Variants in GNAI1 observed in about 807,000 individuals in gnomAD.
GNAI1 encodes guanine nucleotide-binding protein G(i) subunit alpha-1.
Under a neutral mutation model 38.9 loss-of-function variants are expected in GNAI1, and 11 were observed. The observed-to-expected ratio is 0.28, with a 90% confidence interval of 0.18 to 0.47. GNAI1 has a LOEUF of 0.47. Ranked by LOEUF, GNAI1 falls within the 20% of genes least tolerant of loss-of-function variation. The pLI is 0.99. For missense variants in GNAI1, 317 were observed against 436.9 expected (o/e 0.73, Z 2.45); for synonymous variants, 166 against 145.1 (o/e 1.14, Z -1.04).
intron 1 of GNAI1, among the ~76,000 whole-genome samples, chr7:80,174,635 A>T (rs1788151803): frequency 6.7e-6 from 1 of 148,476 alleles, no homozygotes; most frequent in East Asian, 1.9e-4. Flanking sequence ...ATTTTATTTT[A>T]TGTGTTATGT....
At chr7:80,189,544 G>A (rs533302376) in intron 3 of GNAI1, among the ~76,000 whole-genome samples, 1 of 152,216 alleles carries the variant, frequency 6.6e-6, no homozygotes, top group South Asian at 2.1e-4. Flanking sequence ...TTAGTACTGA[G>A]TAAACTGCTT....
rs1284955999 is a variant in GNAI1 at position 80,223,019 on chromosome 7, A to G, written c.*5526A>G. ...TTTTACAATAAAGGATATCTCATGT[A>G]ATTTTCTTGGATACTGTACTGAAAA... On this transcript the variant is annotated 3_prime_UTR_variant, in exon 8 of 8. Coordinates refer to ENST00000649796, the MANE Select transcript of GNAI1 (RefSeq NM_002069.6). Among the ~76,000 whole-genome samples, 1 of 152,206 alleles carries G rather than the reference A, an allele frequency of 6.6e-6. No individual in the cohort carries two copies. The highest frequency in any genetic ancestry group is 1.5e-5 in the Non-Finnish European group (1 of 68,030).
intron 1 of GNAI1, among the ~76,000 whole-genome samples, chr7:80,173,520 T>C (rs369845971): frequency 1.2e-4 from 19 of 152,320 alleles, no homozygotes; most frequent in African/African-American, 3.9e-4. Context: ...AGTCCACTTA[T>C]ATAGTGTTCA....
chr7:80,155,860 G>C (rs1026466722), intron 1 of GNAI1, among the ~76,000 whole-genome samples: 37 of 151,852 alleles, frequency 2.4e-4, no homozygotes, highest in African/African-American at 8.9e-4. Context: ...TTTGAGACCA[G>C]CCTGGCCAAT....
At chr7:80,148,696 G>A (rs926948312) in intron 1 of GNAI1, among the ~76,000 whole-genome samples, 1 of 151,998 alleles carries the variant, frequency 6.6e-6, no homozygotes, top group African/African-American at 2.4e-5. Context: ...TTTTAGAATT[G>A]AATGGTTGTG....
At chr7:80,191,304 C>CT (rs1334598869) in intron 3 of GNAI1, among the ~76,000 whole-genome samples, 1 of 152,060 alleles carries the variant, frequency 6.6e-6, no homozygotes, top group African/African-American at 2.4e-5. Context: ...GGCATTGAAA[C>CT]TGAGTGTTGA....
intron 1 of GNAI1, among the ~76,000 whole-genome samples, chr7:80,161,927 A>G (rs747048848): frequency 3.3e-5 from 5 of 152,266 alleles, no homozygotes; most frequent in South Asian, 2.1e-4. Context: ...TTGCTACCCT[A>G]TGTCCTAAAG....
intron 5 of GNAI1, among the ~76,000 whole-genome samples, chr7:80,205,414 C>A (rs963964308): frequency 1.3e-5 from 2 of 151,984 alleles, no homozygotes; most frequent in Non-Finnish European, 2.9e-5. Context: ...AGCTGCAGAG[C>A]TTTATAGATA....
At chr7:80,197,855 G>A (rs561601482) in intron 3 of GNAI1, among the ~76,000 whole-genome samples, 9 of 152,078 alleles carry the variant, frequency 5.9e-5, no homozygotes, top group Admixed American at 5.9e-4. Flanking sequence ...TTGTCAGCTA[G>A]TACACTCTGC....
chr7:80,162,158 A>G (rs1382720212), intron 1 of GNAI1, among the ~76,000 whole-genome samples: 1 of 152,126 alleles, frequency 6.6e-6, no homozygotes, highest in East Asian at 1.9e-4. Flanking sequence ...GGATTCAGCA[A>G]GTAAGTGACT....
intron 1 of GNAI1, among the ~76,000 whole-genome samples, chr7:80,158,347 T>G (rs372224833): frequency 6.6e-6 from 1 of 152,212 alleles, no homozygotes; most frequent in Non-Finnish European, 1.5e-5. Context: ...CACATACTTA[T>G]GAAATTCTTG....
chr7:80,209,667 A>G (rs922232917), intron 5 of GNAI1, among the ~76,000 whole-genome samples: 3 of 152,218 alleles, frequency 2.0e-5, no homozygotes, highest in African/African-American at 4.8e-5. Context: ...TTGGATGGAC[A>G]GAGGATGTGT....
chr7:80,141,609 A>G (rs1341795025), intron 1 of GNAI1, among the ~76,000 whole-genome samples: 2 of 152,108 alleles, frequency 1.3e-5, no homozygotes, highest in East Asian at 3.9e-4. Flanking sequence ...TTTCTAATGA[A>G]GGGTGTAGCA....
At chr7:80,203,633 A>C in intron 4 of GNAI1, 71 bp from the exon 5 acceptor site, 1 of 940,086 alleles carries the variant, frequency 1.1e-6, no homozygotes, top group Non-Finnish European at 1.6e-6. Flanking sequence ...AATGTGTTTT[A>C]ATTTTTGTTT....
intron 3 of GNAI1, among the ~76,000 whole-genome samples, chr7:80,190,195 AAATG>A (rs762320892): frequency 2.6e-5 from 4 of 152,056 alleles, no homozygotes; most frequent in Non-Finnish European, 5.9e-5. Flanking sequence ...TAGGGAAGAA[AAATG>A]AATGAAAGCA....
chr7:80,176,927 ACT>A (rs764669236), intron 1 of GNAI1, among the ~76,000 whole-genome samples: 1,236 of 108,440 alleles, frequency 0.011, 12 homozygotes, highest in Non-Finnish European at 0.017. Context: ...ACAAGGGGAG[ACT>A]CTGTCTCAAA....
chr7:80,157,358 T>C lies in GNAI1; in HGVS notation c.118+22080T>C, dbSNP rs1214489120. On this transcript the variant is annotated intron_variant, in intron 1 of 7. Coordinates refer to ENST00000649796, the MANE Select transcript of GNAI1 (RefSeq NM_002069.6). ...TTATCTGTTCACCTACTGAATGACA[T>C]CTTAGTTTGCCCAAATTATGGTAAT... 2.0e-5 allele frequency among the ~76,000 whole-genome samples: 3 copies of C among 152,242 alleles called. No individual in the cohort carries two copies. In the East Asian group the frequency reaches 5.8e-4, roughly 29 times the overall value.
chr7:80,168,409 A>G (rs756210826), intron 1 of GNAI1, among the ~76,000 whole-genome samples: 4 of 152,076 alleles, frequency 2.6e-5, no homozygotes, highest in Non-Finnish European at 5.9e-5. Flanking sequence ...TATTTTTGAG[A>G]CAGAGTCTCA....
intron 1 of GNAI1, among the ~76,000 whole-genome samples, chr7:80,151,121 A>G (rs1787717335): frequency 6.6e-6 from 1 of 152,122 alleles, no homozygotes; most frequent in Non-Finnish European, 1.5e-5. Context: ...ACAGTATGAG[A>G]ACTTCCCCTG....
Sources: gnomAD v4.1 joint callset for allele counts (sites outside exome capture counted in the v4.1 genomes callset) on GRCh38, gnomAD v4.1.1 for gene constraint, MANE v1.5 for transcripts, NCBI Gene and HGNC (gene_info 2026-07-23, HGNC 2026-07-21) for gene names.